FAXDC2: variants seen among roughly 807,000 people sequenced by gnomAD.
FAXDC2 encodes fatty acid hydroxylase domain containing 2.
Under a neutral mutation model 40.9 loss-of-function variants are expected in FAXDC2, and 41 were observed. That is an observed-to-expected ratio of 1.00 (90% CI 0.78 to 1.30). The LOEUF (loss-of-function observed/expected upper bound fraction) is 1.30, where lower values mean the gene tolerates loss of function less well. Ranked by LOEUF, FAXDC2 falls within the 50% of genes most tolerant of loss-of-function variation. The probability of loss-of-function intolerance (pLI) is 0.00; values close to 1 mark genes in which losing one functional copy is unlikely to be tolerated. For missense variants in FAXDC2, 390 were observed against 408.8 expected (o/e 0.95, Z 0.40); for synonymous variants, 157 against 149.3 (o/e 1.05, Z -0.38).
chr5:154,822,416 G>A (rs1428935498), intron 7 of FAXDC2, 56 bp downstream of exon 7: 3 of 1,239,592 alleles, frequency 2.4e-6, no homozygotes, highest in Non-Finnish European at 3.6e-6. Context: ...GAGACCTTCA[G>A]GAAGGTGGTT....
chr5:154,821,551 G>C, intron 7 of FAXDC2, 125 bp from the exon 8 acceptor site: 1 of 665,072 alleles, frequency 1.5e-6, no homozygotes, highest in Non-Finnish European at 2.5e-6. Flanking sequence ...GAAGGTGAGA[G>C]TTTCGGGACT....
chr5:154,837,425 C>T (rs1381329015), intron 2 of FAXDC2, among the ~76,000 whole-genome samples: 1 of 152,036 alleles, frequency 6.6e-6, no homozygotes, highest in Non-Finnish European at 1.5e-5. Flanking sequence ...CACTGTAACC[C>T]ACCAGAACTT....
rs867197893 is a variant in FAXDC2, at chr5:154,819,111, A to C, written c.*1205T>G. 2 of 152,388 alleles carry C rather than the reference A, an allele frequency of 1.3e-5. No individual in the cohort carries two copies. Among genetic ancestry groups the C allele is most frequent in the South Asian group, 4.1e-4 (2 of 4,828 alleles). 9.4% of individuals were successfully genotyped at this position (152,388 alleles called of 1,614,324 possible). A position where few individuals can be genotyped will look rare whatever the true frequency, so the allele number is the denominator to read the frequency against. ...ATACTAAGGTATTTTATAAAGCTAC[A>C]GTGGATGTTTTTCTTAAGAGAACTG... On this transcript the variant is annotated 3_prime_UTR_variant, in exon 9 of 9. Transcript: ENST00000326080.
At chr5:154,822,693 A>G in intron 6 of FAXDC2, 116 bp from the exon 7 acceptor site, 2 of 742,308 alleles carry the variant, frequency 2.7e-6, no homozygotes, top group Non-Finnish European at 4.7e-6. Context: ...AAAGTTAACA[A>G]CACCAAGACC....
At chr5:154,822,342 CAAT>C (rs571016446) in intron 7 of FAXDC2, 127 bp downstream of exon 7, 2 of 692,266 alleles carry the variant, frequency 2.9e-6, no homozygotes, top group South Asian at 3.4e-5. Flanking sequence ...GGAAGGCTGA[CAAT>C]AAATGGTAGC....
intron 1 of FAXDC2, among the ~76,000 whole-genome samples, chr5:154,843,217 GCT>G (rs1760522960): frequency 6.6e-6 from 1 of 152,160 alleles, no homozygotes; most frequent in Admixed American, 6.6e-5. Flanking sequence ...AGCTTACAGA[GCT>G]CTTTTTGCTA....
At chr5:154,829,350 T>C (rs1432602125) in intron 5 of FAXDC2, 3 of 152,954 alleles carry the variant, frequency 2.0e-5, no homozygotes, top group African/African-American at 7.2e-5. Context: ...TGAGGATCTG[T>C]TTCTGATGTG....
In FAXDC2 at chr5:154,834,624, C is replaced by T. The variant is rs975122776; in HGVS notation, c.244+1G>A. On this transcript the variant is annotated splice_donor_variant, in intron 4 of 8. Coordinates refer to ENST00000326080, the MANE Select transcript of FAXDC2 (RefSeq NM_032385.5). LOFTEE classifies it high-confidence loss of function. ...AGGTGCTGGTGGTCTGGGAACCTCA[C>T]CTATAAAGAAGAGGATCCACTCCTT... 1 of 1,603,368 alleles carries T rather than the reference C, an allele frequency of 6.2e-7. No individual in the cohort carries two copies. Among genetic ancestry groups the T allele is most frequent in the Non-Finnish European group, 8.5e-7 (1 of 1,170,184 alleles).
At chr5:154,826,527 TAAAAAAAAAAA>T (rs764669604) in intron 5 of FAXDC2, among the ~76,000 whole-genome samples, 3 of 101,524 alleles carry the variant, frequency 3.0e-5, no homozygotes, top group Admixed American at 2.2e-4. Context: ...AGACTGTCTC[TAAAAAAAAAAA>T]AAAAAAAAGA....
intron 1 of FAXDC2, among the ~76,000 whole-genome samples, chr5:154,839,659 A>G (rs998309180): frequency 5.9e-5 from 9 of 151,378 alleles, no homozygotes; most frequent in Non-Finnish European, 1.2e-4. Flanking sequence ...AAAAGAAAGA[A>G]AAAAAAAAGA....
At chr5:154,837,398 G>A (rs1384916379) in intron 2 of FAXDC2, among the ~76,000 whole-genome samples, 1 of 151,966 alleles carries the variant, frequency 6.6e-6, no homozygotes, top group Non-Finnish European at 1.5e-5. Flanking sequence ...CAAAGTGCTG[G>A]GATTACAGGT....
At chr5:154,830,569 G>A (rs2278223) in intron 5 of FAXDC2, 60,322 of 433,916 alleles carry the variant, frequency 0.14, 4,588 homozygotes, top group South Asian at 0.22. Context: ...TCCAGAGCCT[G>A]GGCCAGGAAT....
rs751031552 is a variant in FAXDC2 at position 154,830,892 on chromosome 5, C to T, written c.275G>A (p.Trp92Ter). 51 of 1,613,976 alleles carry T rather than the reference C, an allele frequency of 3.2e-5. No homozygotes were observed. The highest frequency in any genetic ancestry group is 4.2e-5 in the Non-Finnish European group (49 of 1,179,978). Reference protein sequence around the residue: ...GAIQVPCLFFWSFNGLLLVVD... With the variant: ...GAIQVPCLFF ...CACCAATAGAAGCCCATTGAAGCTC[C>T]AGAAGAAGAGACAAGGCACTTGGAT... The change falls in exon 5 of 9, where the codon TGG becomes TAG. Residue 92 changes from tryptophan (W) to a stop codon, truncating the protein, a stop_gained. Transcript: ENST00000326080. LOFTEE classifies it high-confidence loss of function.
intron 4 of FAXDC2, among the ~76,000 whole-genome samples, chr5:154,832,640 C>T (rs965379344): frequency 6.6e-6 from 1 of 152,330 alleles, no homozygotes; most frequent in East Asian, 1.9e-4. Flanking sequence ...ATGAAAAGCA[C>T]ACCGTAAGAC....
intron 1 of FAXDC2, 123 bp downstream of exon 1, chr5:154,850,360 A>G (rs571734394): frequency 1.3e-5 from 2 of 152,370 alleles, no homozygotes; most frequent in South Asian, 2.1e-4. Flanking sequence ...TAACCCTGCC[A>G]TAAGTAGAGA....
chr5:154,833,169 T>C (rs1760235641), intron 4 of FAXDC2, among the ~76,000 whole-genome samples: 1 of 151,942 alleles, frequency 6.6e-6, no homozygotes, highest in African/African-American at 2.4e-5. Flanking sequence ...CCTGAGTAGC[T>C]GGGATTACAG....
intron 5 of FAXDC2, among the ~76,000 whole-genome samples, chr5:154,827,421 T>TTGTGTATG (rs1554093529): frequency 1.4e-5 from 2 of 138,590 alleles, no homozygotes; most frequent in Non-Finnish European, 3.1e-5. Flanking sequence ...TTCTGTTATT[T>TTGTGTATG]TGTGTGTGTG....
In FAXDC2 at chr5:154,818,543, A is replaced by C. The variant is rs1393623077; in HGVS notation, c.*1773T>G. 6.6e-6 allele frequency: 1 copy of C among 152,172 alleles called. No individual in the cohort carries two copies. The highest frequency in any genetic ancestry group is 1.5e-5 in the Non-Finnish European group (1 of 68,030). 9.4% of individuals were successfully genotyped at this position (152,172 alleles called of 1,614,324 possible). On this transcript the variant is annotated 3_prime_UTR_variant, in exon 9 of 9. Transcript: ENST00000326080. The stretch of plus-strand genomic sequence containing the variant: ...GCTTGCTTTCACATTCTTTACTGGG[A>C]ATTTAAGGCCTTTTTTCAGCCTTAA...
intron 5 of FAXDC2, among the ~76,000 whole-genome samples, chr5:154,825,517 C>T (rs558153985): frequency 7.0e-4 from 106 of 151,172 alleles, no homozygotes; most frequent in African/African-American, 2.5e-3. Context: ...ATTAGCCAGG[C>T]ATGGTAGTGT....
Sources: allele counts gnomAD v4.1 joint callset (sites outside exome capture counted in the v4.1 genomes callset), GRCh38; gene constraint gnomAD v4.1.1; transcripts MANE v1.5; gene names NCBI Gene and HGNC (gene_info 2026-07-23, HGNC 2026-07-21).